ANO3: variants seen among roughly 807,000 people sequenced by gnomAD.
ANO3 encodes the protein anoctamin-3.
ANO3 carries 99 observed loss-of-function variants against 144.8 expected under a neutral mutation model. The observed-to-expected ratio is 0.68, with a 90% CI of 0.58 to 0.81. The LOEUF is 0.81. Among genes scored for constraint, ANO3 ranks in the 30% least tolerant of loss-of-function variants. ANO3 has a pLI of 0.00. For synonymous variants in ANO3, 414 were observed against 392.6 expected, an observed-to-expected ratio of 1.05 and a Z score of -0.64; for missense variants, 905 against 1,202.2, an observed-to-expected ratio of 0.75 and a Z score of 3.66.
At chr11:26,365,166 A>T (rs1406313541) in intron 1 of ANO3, among the ~76,000 whole-genome samples, 1 of 152,232 alleles carries the variant, frequency 6.6e-6, no homozygotes, top group Non-Finnish European at 1.5e-5. Flanking sequence ...AAGCTCCAAA[A>T]GAATATCCTT....
At chr11:26,245,116 C>G (rs1247097371) in intron 1 of ANO3, among the ~76,000 whole-genome samples, 1 of 151,884 alleles carries the variant, frequency 6.6e-6, no homozygotes, top group Non-Finnish European at 1.5e-5. Flanking sequence ...ATTATCCCCT[C>G]TTTATTAGAA....
chr11:26,389,426 C>G (rs1856819184), intron 1 of ANO3, among the ~76,000 whole-genome samples: 1 of 151,850 alleles, frequency 6.6e-6, no homozygotes, highest in Admixed American at 6.6e-5. Flanking sequence ...AAGTAACTAA[C>G]TGAATGAATG....
At chr11:26,297,028 A>G (rs576797729) in intron 1 of ANO3, among the ~76,000 whole-genome samples, 16 of 152,180 alleles carry the variant, frequency 1.1e-4, no homozygotes, top group Non-Finnish European at 2.4e-4. Context: ...AGCTCATTTC[A>G]TATTGGATAA....
chr11:26,658,760 A>G (rs1342583261), intron 26 of ANO3, among the ~76,000 whole-genome samples: 2 of 152,166 alleles, frequency 1.3e-5, no homozygotes, highest in Admixed American at 6.5e-5. Context: ...TTATCAAGAA[A>G]GAAACTTCTG....
intron 1 of ANO3, among the ~76,000 whole-genome samples, chr11:26,365,134 GCAGGGCACTCATTAAAT>G (rs1308196623): frequency 6.6e-6 from 1 of 152,212 alleles, no homozygotes; most frequent in Non-Finnish European, 1.5e-5. Flanking sequence ...TTGAAACACA[GCAGGGCACTCATTAAAT>G]CTTAAAGCTC....
At chr11:26,565,320 A>T in intron 14 of ANO3, 1 of 1,611,106 alleles carries the variant, frequency 6.2e-7, no homozygotes, top group Non-Finnish European at 8.5e-7. Flanking sequence ...CAAGGGGGTC[A>T]CAGATGGAGA....
At chr11:26,646,739 T>G (rs1853357056) in intron 23 of ANO3, among the ~76,000 whole-genome samples, 1 of 152,250 alleles carries the variant, frequency 6.6e-6, no homozygotes, top group East Asian at 1.9e-4. Flanking sequence ...AGGATCTTTT[T>G]GTATACTAGG....
intron 1 of ANO3, among the ~76,000 whole-genome samples, chr11:26,379,065 A>C (rs894507232): frequency 6.6e-6 from 1 of 151,880 alleles, no homozygotes; most frequent in African/African-American, 2.4e-5. Context: ...TAGAATGTCC[A>C]TACAGAAAGC....
rs1490165429 is a variant in ANO3 at position 26,323,952 on chromosome 11, C to A, written c.-3+14233C>A. Among the ~76,000 whole-genome samples the A allele has an allele frequency of 4.6e-5, 7 of 152,312 alleles. No homozygotes were observed. The East Asian group carries it at 1.2e-3, about 25-fold the overall frequency. On this transcript the variant is annotated intron_variant, in intron 1 of 26. Transcript: ENST00000525139. ...CTTAGAAACACAGTAGCTGTGAAAACCAGCTGCCTAGCAGCACATGCTCCA... is the reference window on the plus strand; with the variant it reads ...CTTAGAAACACAGTAGCTGTGAAAAACAGCTGCCTAGCAGCACATGCTCCA...
At chr11:26,298,953 C>T (rs2133860768) in intron 1 of ANO3, among the ~76,000 whole-genome samples, 1 of 152,108 alleles carries the variant, frequency 6.6e-6, no homozygotes, top group South Asian at 2.1e-4. Flanking sequence ...TCTTTCAGAC[C>T]AATGGAAATG....
At position 26,442,067 on chromosome 11, in the gene ANO3, G is replaced by A; in HGVS notation, c.196G>A (p.Ala66Thr). Residue 66 changes from alanine to threonine, a missense_variant, in exon 2 of 27, where the codon GCT (alanine) becomes ACT (threonine). Ala to Thr is a moderately conservative substitution (Grantham distance 58). This residue lies in a region of ANO3 where 174 missense variants were observed against 171.9 expected (regional missense o/e 1.01). Coordinates refer to ENST00000256737, the MANE Select transcript of ANO3 (RefSeq NM_031418.4). ...CCAGTCAACCGAGAGTGAATCTCAGGCTCCCACATCTATAACCTTAATCTC... is the reference window on the plus strand; with the variant it reads ...CCAGTCAACCGAGAGTGAATCTCAGACTCCCACATCTATAACCTTAATCTC... ...LFQSTESESQ[A>T]PTSITLISTD... 1 of 1,614,018 alleles carries A rather than the reference G, an allele frequency of 6.2e-7. No homozygotes were observed. The highest frequency in any genetic ancestry group is 1.7e-5 in the Admixed American group (1 of 60,016).
At chr11:26,384,666 G>A (rs1463889011) in intron 1 of ANO3, among the ~76,000 whole-genome samples, 1 of 151,996 alleles carries the variant, frequency 6.6e-6, no homozygotes, top group South Asian at 2.1e-4. Context: ...TTTCCCCATT[G>A]TTCCTGTAAT....
At chr11:26,563,350 A>G in intron 14 of ANO3, 2 of 1,329,140 alleles carry the variant, frequency 1.5e-6, no homozygotes, top group Non-Finnish European at 2.0e-6. Context: ...CATATAACAA[A>G]GAATGTTTAA....
intron 1 of ANO3, among the ~76,000 whole-genome samples, chr11:26,390,637 AG>A (rs1590320469): frequency 6.6e-6 from 1 of 152,202 alleles, no homozygotes; most frequent in African/African-American, 2.4e-5. Flanking sequence ...TGTAAGCACA[AG>A]AATGCTCACA....
At chr11:26,638,795 A>G (rs1853051015) in intron 20 of ANO3, among the ~76,000 whole-genome samples, 1 of 152,226 alleles carries the variant, frequency 6.6e-6, no homozygotes, top group African/African-American at 2.4e-5. Context: ...ACATTATGCC[A>G]TAGAATTAAC....
At chr11:26,639,300 TGGCGTG>T (rs1853068096) in intron 21 of ANO3, 59 bp downstream of exon 21, 2 of 1,310,262 alleles carry the variant, frequency 1.5e-6, no homozygotes, top group Non-Finnish European at 2.2e-6. Context: ...AAGCTAGAGG[TGGCGTG>T]AGTAGTGCTT....
At chr11:26,647,676 T>C (rs759361446) in intron 23 of ANO3, 33 bp from the exon 24 acceptor site, 2 of 1,571,088 alleles carry the variant, frequency 1.3e-6, no homozygotes, top group Non-Finnish European at 1.7e-6. Flanking sequence ...ATTCTTCATT[T>C]TTGTTCACCA....
chr11:26,534,341 T>C (rs1255397199), intron 8 of ANO3, 115 bp from the exon 9 acceptor site: 2 of 583,472 alleles, frequency 3.4e-6, no homozygotes, highest in African/African-American at 3.7e-5. Flanking sequence ...TTAAAGAGGA[T>C]GATTTCCCTT....
At chr11:26,323,641 C>A (rs1854815503) in intron 1 of ANO3, among the ~76,000 whole-genome samples, 1 of 152,068 alleles carries the variant, frequency 6.6e-6, no homozygotes, top group South Asian at 2.1e-4. Flanking sequence ...GCCTGCAGAA[C>A]CAACACTTGA....
Sources: gnomAD v4.1 joint callset for allele counts (sites outside exome capture counted in the v4.1 genomes callset) on GRCh38, gnomAD v4.1.1 for gene constraint, gnomAD v4.1.1 regional missense constraint, MANE v1.5 for transcripts, NCBI Gene and HGNC (gene_info 2026-07-23, HGNC 2026-07-21) for gene names.